PIP5K1A: variants seen among roughly 807,000 people sequenced by gnomAD.
The protein encoded by PIP5K1A is phosphatidylinositol 4-phosphate 5-kinase type-1 alpha.
A neutral mutation model predicts 72.9 loss-of-function variants in PIP5K1A; 46 were observed. The ratio of observed to expected loss-of-function variants is 0.63; its 90% confidence interval spans 0.50 to 0.81. PIP5K1A has a LOEUF of 0.81. Ranked by LOEUF, PIP5K1A falls within the 30% of genes least tolerant of loss-of-function variation. PIP5K1A has a pLI of 0.00. For missense variants in PIP5K1A, 458 were observed against 706.1 expected (o/e 0.65, Z 3.98); for synonymous variants, 228 against 255.1 (o/e 0.89, Z 1.01).
At chr1:151,226,952 A>T (rs1323740451) in intron 3 of PIP5K1A, among the ~76,000 whole-genome samples, 1 of 149,910 alleles carries the variant, frequency 6.7e-6, no homozygotes, top group Admixed American at 6.6e-5. Context: ...GCTTGAACCG[A>T]GGAGGTGGAG....
At chr1:151,222,365 A>G (rs923380025) in intron 1 of PIP5K1A, among the ~76,000 whole-genome samples, 21 of 152,344 alleles carry the variant, frequency 1.4e-4, no homozygotes, top group African/African-American at 4.3e-4. Flanking sequence ...CCAAAATTCC[A>G]TGGAGCGACA....
chr1:151,207,904 G>C (rs1209072667), intron 1 of PIP5K1A, among the ~76,000 whole-genome samples: 2 of 146,582 alleles, frequency 1.4e-5, no homozygotes, highest in Non-Finnish European at 3.0e-5. Flanking sequence ...CGCTCTTGCT[G>C]CCCAGTCTGG....
At chr1:151,240,114 C>G in intron 12 of PIP5K1A, 75 bp downstream of exon 12, 1 of 1,043,194 alleles carries the variant, frequency 9.6e-7, no homozygotes, top group Non-Finnish European at 1.5e-6. Context: ...GAGGGCAGGA[C>G]ACCTCTGGTA....
At chr1:151,230,061 C>T (rs1026059657) in intron 4 of PIP5K1A, among the ~76,000 whole-genome samples, 2 of 152,058 alleles carry the variant, frequency 1.3e-5, no homozygotes, top group Non-Finnish European at 2.9e-5. Context: ...GCACTCCAGC[C>T]TGGGCGACAG....
At chr1:151,209,748 A>T (rs1438132915) in intron 1 of PIP5K1A, among the ~76,000 whole-genome samples, 5 of 150,278 alleles carry the variant, frequency 3.3e-5, no homozygotes, top group Non-Finnish European at 5.9e-5. Flanking sequence ...CTGTATTGTT[A>T]GTAGAGACGG....
intron 1 of PIP5K1A, among the ~76,000 whole-genome samples, chr1:151,217,865 C>A (rs1311945955): frequency 6.6e-6 from 1 of 152,052 alleles, no homozygotes; most frequent in Non-Finnish European, 1.5e-5. Flanking sequence ...CTGCAACCTC[C>A]ACCTCCTGGG....
At position 151,231,707 on chromosome 1, in the gene PIP5K1A, G is replaced by A; in HGVS notation, c.274G>A (p.Gly92Ser). 6.2e-7 allele frequency: 1 copy of A among 1,613,776 alleles called. No homozygotes were observed. The highest frequency in any genetic ancestry group is 8.5e-7 in the Non-Finnish European group (1 of 1,179,732). The change falls in exon 5 of 16, where the codon GGC becomes AGC. Residue 92 changes from glycine (G) to serine (S), a missense_variant. Gly to Ser is a moderately conservative substitution (Grantham distance 56). Coordinates refer to ENST00000368888, the MANE Select transcript of PIP5K1A (RefSeq NM_001135638.2). ...AGCCTTGAAAGGTGCCATCCAGTTA[G>A]GCATTACCCACACTGTGGGGAGCCT... Reference protein sequence around the residue: ...SSALKGAIQLGITHTVGSLST... With the variant: ...SSALKGAIQLSITHTVGSLST...
Position 151,232,561 on chromosome 1 carries a change from G to T in PIP5K1A, c.497G>T (p.Cys166Phe). 1 of 1,605,234 alleles carries T rather than the reference G, an allele frequency of 6.2e-7. No homozygotes were observed. Among genetic ancestry groups the T allele is most frequent in the Non-Finnish European group, 8.5e-7 (1 of 1,177,082 alleles). The change falls in exon 7 of 16, where the codon TGC (cysteine) becomes TTC (phenylalanine). Residue 166 changes from cysteine (C) to phenylalanine (F), a missense_variant. By Grantham distance (205) the Cys-to-Phe change is radical (BLOSUM62 -2). Transcript: ENST00000368888. ...IRPDDYLYSL[C>F]SEPLIELCSS... ...CTCTGTTTGCCCCAGTATTCCCTCT[G>T]CAGTGAGCCGCTGATTGAACTCTGT...
intron 1 of PIP5K1A, among the ~76,000 whole-genome samples, chr1:151,216,794 A>G (rs948956524): frequency 1.3e-5 from 2 of 152,132 alleles, no homozygotes; most frequent in African/African-American, 4.8e-5. Flanking sequence ...TTCTCATAAC[A>G]ACCTTAGGAA....
At chr1:151,240,840 C>G (rs1334022176) in intron 12 of PIP5K1A, among the ~76,000 whole-genome samples, 1 of 152,156 alleles carries the variant, frequency 6.6e-6, no homozygotes. Flanking sequence ...GTGCTGGGCA[C>G]ATACATGCTA....
intron 14 of PIP5K1A, among the ~76,000 whole-genome samples, chr1:151,246,225 C>G (rs1404100605): frequency 6.6e-6 from 1 of 152,020 alleles, no homozygotes; most frequent in Non-Finnish European, 1.5e-5. Flanking sequence ...TCAGCCTGGG[C>G]GACAGAGCGA....
chr1:151,206,753 A>G (rs962600603), intron 1 of PIP5K1A, among the ~76,000 whole-genome samples: 1 of 152,088 alleles, frequency 6.6e-6, no homozygotes, highest in Non-Finnish European at 1.5e-5. Context: ...TTCAGTAGAG[A>G]CAGGGTTTCA....
At chr1:151,236,491 T>C (rs1235700060) in intron 8 of PIP5K1A, 67 bp from the exon 9 acceptor site, 2 of 1,251,694 alleles carry the variant, frequency 1.6e-6, no homozygotes, top group Admixed American at 2.2e-5. Context: ...AACAAAAAAA[T>C]TGTGAGATCC....
chr1:151,206,360 C>T (rs1685926906), intron 1 of PIP5K1A, among the ~76,000 whole-genome samples: 1 of 152,024 alleles, frequency 6.6e-6, no homozygotes, highest in Admixed American at 6.6e-5. Flanking sequence ...TCAGCATATT[C>T]TTATTATTTA....
At chr1:151,206,850 G>T (rs1392173474) in intron 1 of PIP5K1A, among the ~76,000 whole-genome samples, 1 of 152,030 alleles carries the variant, frequency 6.6e-6, no homozygotes, top group Non-Finnish European at 1.5e-5. Context: ...ATAGGCGTGA[G>T]CCACCTTCCC....
rs921694960 is a variant in PIP5K1A at position 151,249,337 on chromosome 1, T to C, written c.*1472T>C. 96 of 152,182 alleles carry C rather than the reference T, an allele frequency of 6.3e-4. No homozygotes were observed. The highest frequency in any genetic ancestry group is 2.2e-3 in the African/African-American group (91 of 41,448). The allele number at this position is 152,182 out of a possible 1,614,324, so 9.4% of individuals were successfully genotyped here. ...ACTATTTATGATGTATTTAAGTGTT[T>C]TATTAAGGACAGAGTTCTGTTAGGG... is the stretch of plus-strand genomic sequence containing the variant. On this transcript the variant is annotated 3_prime_UTR_variant, in exon 16 of 16. Coordinates refer to ENST00000368888, the MANE Select transcript of PIP5K1A (RefSeq NM_001135638.2).
rs1309496932 is a variant in PIP5K1A, at chr1:151,243,362, A to G, written c.1640+795A>G. ...TCCTTAAGCACAGCTCCTCAAGTAC[A>G]GTTCTTCTCAATCTGTGAACTTGTG... On this transcript the variant is annotated intron_variant, in intron 14 of 15. Transcript: ENST00000368888. Among the ~76,000 whole-genome samples, 4 of 152,210 alleles carry G rather than the reference A, an allele frequency of 2.6e-5. No individual in the cohort carries two copies. In the East Asian group the frequency reaches 5.8e-4, roughly 22 times the overall value.
Position 151,238,200 on chromosome 1 carries a change from C to G in PIP5K1A, c.1164C>G (p.Ala388=). The change falls in exon 10 of 16, where the codon GCC becomes GCG. Residue 388 remains alanine (A), a synonymous_variant. Transcript: ENST00000368888. ...TTTCCAGTATGGGTGGCATCCCTGC[C>G]CGGAATAGTAAAGGGGAAAGGCTTC... is the stretch of plus-strand genomic sequence containing the variant. ...ETDDHMGGIP[A]RNSKGERLLL... is the part of the protein sequence containing the mutation. The G allele has an allele frequency of 6.2e-7, 1 of 1,612,250 alleles. No individual in the cohort carries two copies. Among genetic ancestry groups the G allele is most frequent in the Non-Finnish European group, 8.5e-7 (1 of 1,178,416 alleles).
At chr1:151,213,052 G>A (rs1018816799) in intron 1 of PIP5K1A, among the ~76,000 whole-genome samples, 9 of 151,520 alleles carry the variant, frequency 5.9e-5, no homozygotes, top group South Asian at 2.1e-4. Context: ...CACCACGCCC[G>A]GCTATTTTAT....
Sources: allele counts gnomAD v4.1 joint callset (sites outside exome capture counted in the v4.1 genomes callset), GRCh38; gene constraint gnomAD v4.1.1; transcripts MANE v1.5; gene names NCBI Gene and HGNC (gene_info 2026-07-23, HGNC 2026-07-21).